The following SH3KBP1 variants were observed in gnomAD, a reference collection of about 807,000 sequenced individuals.
SH3KBP1 encodes SH3 domain-containing kinase-binding protein 1.
SH3KBP1 carries 8 observed loss-of-function variants against 50.1 expected under a neutral mutation model. That is an observed-to-expected ratio of 0.16 (90% CI 0.09 to 0.29). SH3KBP1 has a LOEUF of 0.29. Among genes scored for constraint, SH3KBP1 ranks in the 10% least tolerant of loss-of-function variants. The pLI, the probability that SH3KBP1 is intolerant of heterozygous loss-of-function variation, is 1.00. For missense variants in SH3KBP1, 377 were observed against 535.2 expected, an observed-to-expected ratio of 0.70 and a Z score of 2.92; for synonymous variants, 227 against 218.6, an observed-to-expected ratio of 1.04 and a Z score of -0.34.
chrX:19,815,878 C>T (rs918777207), intron 2 of SH3KBP1, among the ~76,000 whole-genome samples: 2 of 111,929 alleles, frequency 1.8e-5, no homozygotes, highest in African/African-American at 6.5e-5. Context: ...TATGGTTGGA[C>T]CGGAACTTGT....
At chrX:19,677,767 T>A (rs2062962299) in intron 6 of SH3KBP1, among the ~76,000 whole-genome samples, 1 of 112,230 alleles carries the variant, frequency 8.9e-6, no homozygotes, top group Non-Finnish European at 1.9e-5. Flanking sequence ...TTTCTCTCCA[T>A]GACAATAGTT....
At chrX:19,796,279 T>C (rs1323940782) in intron 2 of SH3KBP1, among the ~76,000 whole-genome samples, 1 of 112,014 alleles carries the variant, frequency 8.9e-6, no homozygotes, top group East Asian at 2.8e-4. Flanking sequence ...GGTTGCAACC[T>C]ATGTGCTTAG....
At chrX:19,728,730 T>C (rs2064292522) in intron 3 of SH3KBP1, among the ~76,000 whole-genome samples, 1 of 111,593 alleles carries the variant, frequency 9.0e-6, no homozygotes, top group Non-Finnish European at 1.9e-5. Flanking sequence ...TGCTTAAGCT[T>C]TTCAACATTT....
In SH3KBP1 at chrX:19,862,344, T is replaced by C. The variant is rs150095970; in HGVS notation, c.4+24963A>G. Among the ~76,000 whole-genome samples, 995 of 112,356 alleles carry C rather than the reference T, an allele frequency of 8.9e-3. 15 individuals are homozygous for C. Among genetic ancestry groups the C allele is most frequent in the African/African-American group, 0.03 (939 of 30,944 alleles). ...ACAAGATAAATTTTTTCCTCGAAAA[T>C]TGATATGGATAGTCTGCCGCTGCAG... On this transcript the variant is annotated intron_variant, in intron 1 of 17. Transcript: ENST00000397821.
intron 1 of SH3KBP1, among the ~76,000 whole-genome samples, chrX:19,854,310 T>C (rs1603281194): frequency 1.8e-5 from 2 of 110,125 alleles, no homozygotes; most frequent in Admixed American, 1.9e-4. Context: ...AGAGACGGAG[T>C]TTCACCATGT....
At chrX:19,719,771 G>C (rs1252056241) in intron 3 of SH3KBP1, among the ~76,000 whole-genome samples, 1 of 108,059 alleles carries the variant, frequency 9.3e-6, no homozygotes, top group Non-Finnish European at 1.9e-5. Flanking sequence ...TAGCACTTTG[G>C]GAGGCTGAGG....
At chrX:19,536,485 C>T in intron 17 of SH3KBP1, 27 bp from the exon 18 acceptor site, 1 of 1,027,223 alleles carries the variant, frequency 9.7e-7, no homozygotes. Flanking sequence ...AAGAATGGAA[C>T]AAAGTCATAA....
intron 2 of SH3KBP1, among the ~76,000 whole-genome samples, chrX:19,803,111 G>A (rs926277725): frequency 1.2e-4 from 13 of 111,661 alleles, no homozygotes; most frequent in Non-Finnish European, 2.3e-4. Context: ...CACACTTAGC[G>A]CTCTGCTTCT....
intron 11 of SH3KBP1, among the ~76,000 whole-genome samples, chrX:19,591,666 C>A (rs1168304536): frequency 3.6e-5 from 4 of 111,874 alleles, no homozygotes; most frequent in Admixed American, 2.8e-4. Context: ...TTTCACTATG[C>A]CAAATCCATC....
chrX:19,651,238 C>T (rs1357511754), intron 6 of SH3KBP1, among the ~76,000 whole-genome samples: 1 of 110,977 alleles, frequency 9.0e-6, no homozygotes, highest in African/African-American at 3.3e-5. Context: ...TCCCCGGAAG[C>T]TTTTCTGCTC....
At chrX:19,748,820 C>A (rs1054301860) in intron 2 of SH3KBP1, among the ~76,000 whole-genome samples, 4 of 110,779 alleles carry the variant, frequency 3.6e-5, no homozygotes, top group African/African-American at 9.9e-5. Flanking sequence ...TTCTTTGGTA[C>A]CCCATCATCC....
At chrX:19,881,401 T>C (rs2069428816) in intron 1 of SH3KBP1, among the ~76,000 whole-genome samples, 1 of 111,148 alleles carries the variant, frequency 9.0e-6, no homozygotes, top group African/African-American at 3.3e-5. Context: ...CTCAATGAAA[T>C]GGGAAGTAAA....
intron 4 of SH3KBP1, among the ~76,000 whole-genome samples, chrX:19,698,833 T>C (rs934800720): frequency 2.7e-5 from 3 of 111,984 alleles, no homozygotes; most frequent in South Asian, 3.8e-4. Flanking sequence ...TGTGATTTCA[T>C]TCATTCATTC....
At chrX:19,618,244 C>A (rs1443763679) in intron 8 of SH3KBP1, among the ~76,000 whole-genome samples, 1 of 109,727 alleles carries the variant, frequency 9.1e-6, no homozygotes, top group Admixed American at 9.7e-5. Context: ...ATTAGCCGGG[C>A]GTGGTGGCAC....
chrX:19,707,113 A>G (rs751185033), intron 3 of SH3KBP1, 129 bp from the exon 4 acceptor site: 4 of 587,635 alleles, frequency 6.8e-6, no homozygotes, highest in African/African-American at 6.6e-5. Flanking sequence ...ACATGGCTTG[A>G]GGCACGGCAG....
intron 1 of SH3KBP1, among the ~76,000 whole-genome samples, chrX:19,837,589 T>C (rs2068092686): frequency 2.9e-5 from 3 of 105,152 alleles, no homozygotes; most frequent in Non-Finnish European, 1.9e-5. Context: ...CTTGAATGCA[T>C]GCCACCCCAC....
At chrX:19,736,879 C>G (rs2064595257) in intron 3 of SH3KBP1, among the ~76,000 whole-genome samples, 1 of 109,676 alleles carries the variant, frequency 9.1e-6, no homozygotes, top group African/African-American at 3.3e-5. Context: ...ATGCAACCAG[C>G]ACCTAAATAT....
At chrX:19,760,443 T>C (rs754088314) in intron 2 of SH3KBP1, among the ~76,000 whole-genome samples, 1 of 107,240 alleles carries the variant, frequency 9.3e-6, no homozygotes, top group Non-Finnish European at 1.9e-5. Flanking sequence ...CATACATACA[T>C]ACATACTGGA....
chrX:19,550,235 A>G (rs1473325186), intron 13 of SH3KBP1, 152 bp from the exon 14 acceptor site: 3 of 447,581 alleles, frequency 6.7e-6, no homozygotes, highest in African/African-American at 5.0e-5. Context: ...TGGTCATTCA[A>G]TAAACAGGAT....
Sources: gnomAD v4.1 joint callset for allele counts (sites outside exome capture counted in the v4.1 genomes callset) on GRCh38, gnomAD v4.1.1 for gene constraint, MANE v1.5 for transcripts, NCBI Gene and HGNC (gene_info 2026-07-23, HGNC 2026-07-21) for gene names.